Variants in KLRG1 observed in about 807,000 individuals in gnomAD.
The protein encoded by KLRG1 is killer cell lectin like receptor G1.
KLRG1 carries 16 observed loss-of-function variants against 21.8 expected under a neutral mutation model. That is an observed-to-expected ratio of 0.73 (90% confidence interval 0.50 to 1.11). The LOEUF (loss-of-function observed/expected upper bound fraction) is 1.11, where lower values mean the gene tolerates loss of function less well. Ranked by LOEUF, KLRG1 falls within the 50% of genes most tolerant of loss-of-function variation. The pLI, the probability that KLRG1 is intolerant of heterozygous loss-of-function variation, is 0.00. For synonymous variants in KLRG1, 69 were observed against 75.9 expected, an observed-to-expected ratio of 0.91 and a Z score of 0.47; for missense variants, 173 against 218.3, an observed-to-expected ratio of 0.79 and a Z score of 1.31.
At chr12:9,208,662 A>G in the KLRG1 span, among the ~76,000 whole-genome samples, 1 of 152,202 alleles carries the variant, frequency 6.6e-6, no homozygotes, top group African/African-American at 2.4e-5. Context: ...TCTCTTTCAA[A>G]ATCCTTACAA....
intron 3 of KLRG1, among the ~76,000 whole-genome samples, chr12:8,997,769 G>A (rs1189611349): frequency 6.6e-6 from 1 of 151,896 alleles, no homozygotes; most frequent in Non-Finnish European, 1.5e-5. Flanking sequence ...TTTGCCAGAT[G>A]TTTTATGTAT....
At chr12:9,201,329 C>A in the KLRG1 span, 1 of 1,549,502 alleles carries the variant, frequency 6.5e-7, no homozygotes, top group East Asian at 2.2e-5. Context: ...ATACTTACCT[C>A]AAGGTATATC....
At chr12:9,202,278 C>T in the KLRG1 span, 2 of 1,525,266 alleles carry the variant, frequency 1.3e-6, no homozygotes, top group Admixed American at 1.7e-5. Context: ...TGAGTATTCC[C>T]ACTCTACCCA....
intron 1 of KLRG1, among the ~76,000 whole-genome samples, chr12:8,950,539 T>C (rs1398067873): frequency 1.3e-5 from 2 of 152,232 alleles, no homozygotes; most frequent in Non-Finnish European, 2.9e-5. Context: ...AATTTCTTCC[T>C]GTGGACCCTC....
At chr12:8,958,193 C>T (rs866240743) in intron 1 of KLRG1, among the ~76,000 whole-genome samples, 17 of 152,122 alleles carry the variant, frequency 1.1e-4, no homozygotes, top group East Asian at 1.9e-4. Flanking sequence ...CCAGTGTGCC[C>T]GGTCTGTGAT....
the KLRG1 span, chr12:9,076,794 TC>T: frequency 6.2e-7 from 1 of 1,613,934 alleles, no homozygotes; most frequent in Non-Finnish European, 8.5e-7. Flanking sequence ...CTTGAGTACT[TC>T]CTTCCTCTTG....
the KLRG1 span, chr12:9,149,713 G>T: frequency 3.2e-6 from 3 of 934,504 alleles, no homozygotes; most frequent in Non-Finnish European, 4.8e-6. Flanking sequence ...TATCAGAATT[G>T]TCAAAACTTC....
the KLRG1 span, chr12:9,152,811 T>A: frequency 6.2e-7 from 1 of 1,613,686 alleles, no homozygotes; most frequent in Non-Finnish European, 8.5e-7. Context: ...GTGATTAGGT[T>A]AGAACGTCTT....
At chr12:9,094,336 T>C in the KLRG1 span, among the ~76,000 whole-genome samples, 1 of 121,364 alleles carries the variant, frequency 8.2e-6, no homozygotes, top group Non-Finnish European at 1.7e-5. Flanking sequence ...AAAAAAAAAT[T>C]GTGCATATAT....
At chr12:9,123,131 A>G in the KLRG1 span, among the ~76,000 whole-genome samples, 2 of 152,204 alleles carry the variant, frequency 1.3e-5, no homozygotes, top group African/African-American at 4.8e-5. Context: ...AATTTTATAA[A>G]TGAATTTTAA....
the KLRG1 span, chr12:9,109,187 A>G: frequency 4.7e-6 from 3 of 635,118 alleles, no homozygotes; most frequent in South Asian, 2.0e-5. Flanking sequence ...ATAACATTCT[A>G]CAGATGAGGA....
chr12:9,015,350 G>T (rs1947685011), downstream of KLRG1, among the ~76,000 whole-genome samples: 1 of 152,072 alleles, frequency 6.6e-6, no homozygotes, highest in African/African-American at 2.4e-5. Flanking sequence ...AAAAGAGCAG[G>T]ACTGGCTCTA....
At chr12:9,135,592 G>C in the KLRG1 span, 2 of 317,100 alleles carry the variant, frequency 6.3e-6, no homozygotes, top group Admixed American at 4.4e-5. Context: ...GACTGTATCA[G>C]GTTAAGATGG....
chr12:9,053,780 C>A, the KLRG1 span, among the ~76,000 whole-genome samples: 1 of 152,162 alleles, frequency 6.6e-6, no homozygotes, highest in Non-Finnish European at 1.5e-5. Context: ...ACAACTTGAA[C>A]ATTATAAAAT....
At chr12:9,093,872 G>A in the KLRG1 span, among the ~76,000 whole-genome samples, 1 of 150,412 alleles carries the variant, frequency 6.6e-6, no homozygotes, top group African/African-American at 2.5e-5. Context: ...CGACCTGAGC[G>A]ACAGAGTGAG....
At chr12:9,026,191 T>C in the KLRG1 span, among the ~76,000 whole-genome samples, 1 of 152,186 alleles carries the variant, frequency 6.6e-6, no homozygotes, top group East Asian at 1.9e-4. Flanking sequence ...AAAAGAGAAG[T>C]AGCCAGAAGT....
At chr12:9,148,028 AACTACTCTCATGCCATTTGATTT>A in the KLRG1 span, among the ~76,000 whole-genome samples, 57 of 152,204 alleles carry the variant, frequency 3.7e-4, 2 homozygotes, top group African/African-American at 1.3e-3. Flanking sequence ...AAAAGGCATT[AACTACTCTCATGCCATTTGATTT>A]TACCATCTGC....
At chr12:9,203,635 C>T in the KLRG1 span, 1 of 1,067,944 alleles carries the variant, frequency 9.4e-7, no homozygotes, top group Non-Finnish European at 1.3e-6. Context: ...GCCACCGCAC[C>T]TGGCCCCTGA....
chr12:9,181,803 A>G, the KLRG1 span, among the ~76,000 whole-genome samples: 1 of 152,210 alleles, frequency 6.6e-6, no homozygotes. Flanking sequence ...GCTTTGTGTA[A>G]TTGAAAAAGT....
Sources: allele counts gnomAD v4.1 joint callset (sites outside exome capture counted in the v4.1 genomes callset), GRCh38; gene constraint gnomAD v4.1.1; transcripts MANE v1.5; gene names NCBI Gene and HGNC (gene_info 2026-07-23, HGNC 2026-07-21).